Variants in NRXN3 observed in about 807,000 individuals in gnomAD.
The protein encoded by NRXN3 is neurexin III.
A neutral mutation model predicts 137.6 loss-of-function variants in NRXN3; 32 were observed. That is an observed-to-expected ratio of 0.23 (90% CI 0.18 to 0.31). The LOEUF (loss-of-function observed/expected upper bound fraction) is 0.31. Ranked by LOEUF, NRXN3 falls within the 10% of genes least tolerant of loss-of-function variation. NRXN3 has a pLI of 1.00. For missense variants in NRXN3, 1,574 were observed against 2,062.5 expected (o/e 0.76, Z 4.59); for synonymous variants, 798 against 784.5 (o/e 1.02, Z -0.29).
chr14:79,555,925 C>T (rs1021946551), intron 16 of NRXN3, among the ~76,000 whole-genome samples: 1 of 152,196 alleles, frequency 6.6e-6, no homozygotes, highest in African/African-American at 2.4e-5. Context: ...TCTATCACCT[C>T]TGTTTTCTGC....
chr14:78,232,100 A>T (rs1295340848), intron 1 of NRXN3, among the ~76,000 whole-genome samples: 1 of 152,172 alleles, frequency 6.6e-6, no homozygotes, highest in Non-Finnish European at 1.5e-5. Context: ...GCTCTGCAGG[A>T]GGTGTGGTCT....
intron 4 of NRXN3, among the ~76,000 whole-genome samples, chr14:78,504,450 G>A (rs2095941956): frequency 6.6e-6 from 1 of 151,712 alleles, no homozygotes; most frequent in Admixed American, 6.5e-5. Context: ...TGGGAAGAAA[G>A]AGAATTTTCT....
At chr14:79,629,097 A>C (rs1038584848) in intron 16 of NRXN3, among the ~76,000 whole-genome samples, 22 of 152,208 alleles carry the variant, frequency 1.4e-4, no homozygotes, top group African/African-American at 5.3e-4. Flanking sequence ...CAGAGCATTT[A>C]AAGGTGATGA....
intron 4 of NRXN3, among the ~76,000 whole-genome samples, chr14:78,489,379 T>C (rs1990532): frequency 0.016 from 2,445 of 152,240 alleles, 60 homozygotes; most frequent in African/African-American, 0.056. Flanking sequence ...GCCTTAACTT[T>C]CCCCAGTTCT....
intron 19 of NRXN3, among the ~76,000 whole-genome samples, chr14:79,781,047 T>A (rs1034838353): frequency 3.0e-5 from 4 of 131,456 alleles, no homozygotes; most frequent in African/African-American, 1.0e-4. Flanking sequence ...AGGTAATTTT[T>A]TTTTTTAAAT....
intron 15 of NRXN3, among the ~76,000 whole-genome samples, chr14:79,276,901 T>G (rs1358500567): frequency 6.6e-6 from 1 of 152,196 alleles, no homozygotes; most frequent in East Asian, 1.9e-4. Context: ...CAGTATTTAC[T>G]GAGCCCGTAT....
In NRXN3 at chr14:79,494,066, T is replaced by A. The variant is rs72690750; in HGVS notation, c.3444+26664T>A. Among the ~76,000 whole-genome samples the A allele has an allele frequency of 8.9e-3, 1,362 of 152,336 alleles. 10 individuals are homozygous for A. Among genetic ancestry groups the A allele is most frequent in the Non-Finnish European group, 0.014 (925 of 68,034 alleles). ...TGAATGTATAAAAAGTGTATTTTAA[T>A]TGAAATCTTAACAAGTATGCATTAA... is the stretch of plus-strand genomic sequence containing the variant. On this transcript the variant is annotated intron_variant, in intron 16 of 20. Transcript: ENST00000335750.
chr14:78,963,916 C>T (rs1387805963), intron 11 of NRXN3, among the ~76,000 whole-genome samples: 1 of 151,860 alleles, frequency 6.6e-6, no homozygotes, highest in Non-Finnish European at 1.5e-5. Context: ...TAGGTACATA[C>T]CTCTATGCCT....
intron 19 of NRXN3, among the ~76,000 whole-genome samples, chr14:79,797,682 G>A (rs1200037060): frequency 6.6e-6 from 1 of 152,178 alleles, no homozygotes; most frequent in Non-Finnish European, 1.5e-5. Context: ...ACCACACTGT[G>A]AGGTTGTTTC....
chr14:79,591,549 A>ATTTTCAGAGAGATGATT (rs1458162449), intron 16 of NRXN3, among the ~76,000 whole-genome samples: 2 of 152,198 alleles, frequency 1.3e-5, no homozygotes, highest in Non-Finnish European at 1.5e-5. Flanking sequence ...TCTTCCACAG[A>ATTTTCAGAGAGATGATT]TTTTCAGAGA....
intron 4 of NRXN3, among the ~76,000 whole-genome samples, chr14:78,537,641 T>C (rs2096549351): frequency 6.6e-6 from 1 of 152,234 alleles, no homozygotes. Flanking sequence ...ATTTTGGCTT[T>C]TGTTGCCATT....
chr14:78,434,823 G>A, intron 4 of NRXN3, among the ~76,000 whole-genome samples: 1 of 152,186 alleles, frequency 6.6e-6, no homozygotes, highest in East Asian at 1.9e-4. Context: ...AAAATGCAGA[G>A]ACTGCTCCAC....
rs150337497 is a variant in NRXN3, at chr14:79,118,595, G to A, written c.3262+130454G>A. Among the ~76,000 whole-genome samples the A allele has an allele frequency of 2.1e-3, 314 of 152,222 alleles. 3 individuals are homozygous for A. The highest frequency in any genetic ancestry group is 0.013 in the South Asian group (63 of 4,820). ...CAACATGCAGGCAAGCCTCAAGCCC[G>A]CCCACAGTAGACAAACATATACCTT... On this transcript the variant is annotated intron_variant, in intron 15 of 20. Coordinates refer to ENST00000335750, the MANE Select transcript of NRXN3 (RefSeq NM_001330195.2).
intron 19 of NRXN3, among the ~76,000 whole-genome samples, chr14:79,738,530 A>G (rs930353124): frequency 5.3e-5 from 8 of 152,166 alleles, no homozygotes; most frequent in Non-Finnish European, 8.8e-5. Flanking sequence ...TCTGGCCTCC[A>G]GAACTATGAG....
intron 4 of NRXN3, among the ~76,000 whole-genome samples, chr14:78,392,756 A>T (rs1304251094): frequency 6.6e-6 from 1 of 152,158 alleles, no homozygotes; most frequent in African/African-American, 2.4e-5. Context: ...CTCATTTTAC[A>T]AATGAGGATC....
At chr14:79,846,448 C>T (rs1242390265) in intron 20 of NRXN3, among the ~76,000 whole-genome samples, 2 of 152,162 alleles carry the variant, frequency 1.3e-5, no homozygotes, top group African/African-American at 4.8e-5. Flanking sequence ...AGGACAGCCT[C>T]AAACCCAACA....
At chr14:78,582,183 T>G (rs1256531050) in intron 4 of NRXN3, among the ~76,000 whole-genome samples, 2 of 152,218 alleles carry the variant, frequency 1.3e-5, no homozygotes, top group Admixed American at 1.3e-4. Context: ...GTTGGAGATC[T>G]GGAGTTTAGG....
At chr14:79,116,144 T>A (rs561052224) in intron 15 of NRXN3, among the ~76,000 whole-genome samples, 82 of 152,288 alleles carry the variant, frequency 5.4e-4, no homozygotes, top group Non-Finnish European at 1.0e-3. Flanking sequence ...CAGAACCTGG[T>A]CTTCTTGAAT....
intron 10 of NRXN3, among the ~76,000 whole-genome samples, chr14:78,847,715 A>G (rs1400769030): frequency 6.6e-6 from 1 of 152,060 alleles, no homozygotes; most frequent in Non-Finnish European, 1.5e-5. Context: ...AATTCCGATT[A>G]CCCTTCCCCT....
Sources: allele counts gnomAD v4.1 joint callset (sites outside exome capture counted in the v4.1 genomes callset), GRCh38; gene constraint gnomAD v4.1.1; transcripts MANE v1.5; gene names NCBI Gene and HGNC (gene_info 2026-07-23, HGNC 2026-07-21).